The following PRKCA variants were observed in gnomAD, a reference collection of about 807,000 sequenced individuals.
The protein encoded by PRKCA is protein kinase C alpha, also known as protein kinase C alpha type.
Under a neutral mutation model 87.0 loss-of-function variants are expected in PRKCA, and 27 were observed. That is an observed-to-expected ratio of 0.31 (90% CI 0.23 to 0.43). The LOEUF (loss-of-function observed/expected upper bound fraction) is 0.43. Among genes scored for constraint, PRKCA ranks in the 20% least tolerant of loss-of-function variants. PRKCA has a pLI of 1.00. For missense variants in PRKCA, 518 were observed against 852.3 expected (o/e 0.61, Z 4.88); for synonymous variants, 329 against 311.1 (o/e 1.06, Z -0.61).
chr17:66,406,583 AG>A (rs1470606307), intron 2 of PRKCA, among the ~76,000 whole-genome samples: 16 of 21,050 alleles, frequency 7.6e-4, no homozygotes, highest in Non-Finnish European at 2.2e-3. Context: ...TAGCTTTTCC[AG>A]GTTTTTTTTT....
rs12103772 is a variant in PRKCA at position 66,533,557 on chromosome 17, G to A, written c.288+37274G>A. Reference sequence around the variant, plus strand: ...GAATTTGGCTAGGCAAATGAGAAACGTGGTAGGGTCAGCCTTCTGCCTCCT... The same window carrying A: ...GAATTTGGCTAGGCAAATGAGAAACATGGTAGGGTCAGCCTTCTGCCTCCT... On this transcript the variant is annotated intron_variant, in intron 3 of 16. Coordinates refer to ENST00000413366, the MANE Select transcript of PRKCA (RefSeq NM_002737.3). Among the ~76,000 whole-genome samples the A allele has an allele frequency of 6.0e-3, 912 of 152,332 alleles. 6 individuals are homozygous for A. Among genetic ancestry groups the A allele is most frequent in the Middle Eastern group, 0.041 (12 of 294 alleles).
chr17:66,490,835 A>G (rs1262931083), intron 2 of PRKCA, among the ~76,000 whole-genome samples: 1 of 151,818 alleles, frequency 6.6e-6, no homozygotes, highest in Non-Finnish European at 1.5e-5. Context: ...CCCACCTCAG[A>G]CTCCCAAAGT....
rs78644366 is a variant in PRKCA at position 66,793,634 on chromosome 17, G to A, written c.1854+4655G>A. ...AAAAAAAACCGGAATGTTCAGAAGA[G>A]TCTAGGTAAGGAGAAATTTTAAGTT... On this transcript the variant is annotated intron_variant, in intron 16 of 16. Transcript: ENST00000413366. Among the ~76,000 whole-genome samples, 8 of 147,072 alleles carry A rather than the reference G, an allele frequency of 5.4e-5. No homozygotes were observed. In the East Asian group the frequency reaches 1.6e-3, roughly 29 times the overall value.
chr17:66,726,797 T>C (rs1315453686), intron 8 of PRKCA, among the ~76,000 whole-genome samples: 1 of 151,820 alleles, frequency 6.6e-6, no homozygotes, highest in African/African-American at 2.4e-5. Context: ...CGATCTTGGC[T>C]CACTGCAACC....
At chr17:66,320,554 A>G (rs1039896452) in intron 2 of PRKCA, among the ~76,000 whole-genome samples, 1 of 152,204 alleles carries the variant, frequency 6.6e-6, no homozygotes, top group Non-Finnish European at 1.5e-5. Flanking sequence ...TTATAGGTGA[A>G]CAGTCTAGTA....
In PRKCA at chr17:66,306,949, A is replaced by G. The variant is rs576756274; in HGVS notation, c.205+822A>G. Among the ~76,000 whole-genome samples, 19 of 152,230 alleles carry G rather than the reference A, an allele frequency of 1.2e-4. No homozygotes were observed. The South Asian group carries it at 3.9e-3, about 32-fold the overall frequency. On this transcript the variant is annotated intron_variant, in intron 2 of 16. Coordinates refer to ENST00000413366, the MANE Select transcript of PRKCA (RefSeq NM_002737.3). ...TTTCCCATCTGGGCATAGATTTATT[A>G]TTAGGGCAAGCAGAAAGTACATTCT...
intron 2 of PRKCA, among the ~76,000 whole-genome samples, chr17:66,431,424 A>G (rs1017792912): frequency 1.9e-4 from 29 of 152,170 alleles, no homozygotes; most frequent in African/African-American, 5.5e-4. Context: ...TCTTAATGGA[A>G]CAAGCACGTT....
chr17:66,561,945 AGTT>A (rs1352498030), intron 3 of PRKCA, among the ~76,000 whole-genome samples: 1 of 151,542 alleles, frequency 6.6e-6, no homozygotes, highest in Non-Finnish European at 1.5e-5. Flanking sequence ...AAGATGAAAG[AGTT>A]GTTGAGGTGG....
chr17:66,502,099 GATT>G (rs1021759499), intron 3 of PRKCA, among the ~76,000 whole-genome samples: 2 of 152,166 alleles, frequency 1.3e-5, no homozygotes, highest in African/African-American at 4.8e-5. Context: ...ATTCATTTTC[GATT>G]ATGTCTGTTC....
chr17:66,633,000 C>T (rs1971062948), intron 3 of PRKCA, among the ~76,000 whole-genome samples: 1 of 152,124 alleles, frequency 6.6e-6, no homozygotes, highest in East Asian at 1.9e-4. Context: ...TGTTACATTG[C>T]AGATCAGAAA....
At chr17:66,361,735 A>C (rs1253261537) in intron 2 of PRKCA, among the ~76,000 whole-genome samples, 1 of 152,220 alleles carries the variant, frequency 6.6e-6, no homozygotes, top group Non-Finnish European at 1.5e-5. Context: ...GATTTACTTT[A>C]GCTTTCCATT....
At chr17:66,584,034 T>A (rs1309883223) in intron 3 of PRKCA, among the ~76,000 whole-genome samples, 1 of 152,172 alleles carries the variant, frequency 6.6e-6, no homozygotes, top group Non-Finnish European at 1.5e-5. Flanking sequence ...AAAGGAAGAA[T>A]CATCACGTTG....
At chr17:66,490,510 A>G (rs1480377504) in intron 2 of PRKCA, among the ~76,000 whole-genome samples, 4 of 151,712 alleles carry the variant, frequency 2.6e-5, no homozygotes, top group Admixed American at 2.6e-4. Flanking sequence ...TGCCCGGCTA[A>G]TTTTTTGTAT....
chr17:66,774,150 C>T, intron 14 of PRKCA, 83 bp downstream of exon 14: 1 of 1,606,364 alleles, frequency 6.2e-7, no homozygotes, highest in Non-Finnish European at 8.5e-7. Context: ...GAGAGCAAGA[C>T]CTGACGTTTT....
In PRKCA at chr17:66,302,867, C is replaced by T; in HGVS notation, c.16C>T (p.Pro6Ser). 4 of 1,602,776 alleles carry T rather than the reference C, an allele frequency of 2.5e-6. No individual in the cohort carries two copies. Among genetic ancestry groups the T allele is most frequent in the Non-Finnish European group, 3.4e-6 (4 of 1,173,794 alleles). MADVF[P>S]GNDSTASQDV... is the part of the protein sequence containing the mutation. ...GGGGGGGACCATGGCTGACGTTTTC[C>T]CGGGCAACGACTCCACGGCGTCTCA... The change falls in exon 1 of 17, where the codon CCG becomes TCG. Residue 6 changes from proline to serine, a missense_variant. Around this residue, in one of 5 missense-constraint regions of PRKCA, gnomAD observed 33 missense variants for 34.1 expected, o/e 0.97. Coordinates refer to ENST00000413366, the MANE Select transcript of PRKCA (RefSeq NM_002737.3).
At chr17:66,696,031 C>G (rs904218580) in intron 8 of PRKCA, among the ~76,000 whole-genome samples, 2 of 152,152 alleles carry the variant, frequency 1.3e-5, no homozygotes, top group Non-Finnish European at 2.9e-5. Context: ...AGGACCAGTT[C>G]CCATCCTGTC....
At chr17:66,357,861 C>T (rs908417716) in intron 2 of PRKCA, among the ~76,000 whole-genome samples, 24 of 152,176 alleles carry the variant, frequency 1.6e-4, no homozygotes, top group African/African-American at 5.5e-4. Context: ...AAATCTGGCT[C>T]GGATTCTAAA....
intron 13 of PRKCA, among the ~76,000 whole-genome samples, chr17:66,764,721 C>T (rs1442969487): frequency 3.3e-5 from 5 of 152,250 alleles, no homozygotes; most frequent in Non-Finnish European, 4.4e-5. Context: ...CCCTTCTTGC[C>T]AACTCTGCCT....
intron 13 of PRKCA, among the ~76,000 whole-genome samples, chr17:66,770,557 C>A (rs1267055843): frequency 6.6e-6 from 1 of 152,212 alleles, no homozygotes; most frequent in Non-Finnish European, 1.5e-5. Flanking sequence ...AAGCACCCAG[C>A]CAAGATCAGC....
Sources: allele counts gnomAD v4.1 joint callset (sites outside exome capture counted in the v4.1 genomes callset), GRCh38; gene constraint gnomAD v4.1.1; regional missense constraint gnomAD v4.1.1; transcripts MANE v1.5; gene names NCBI Gene and HGNC (gene_info 2026-07-23, HGNC 2026-07-21).